The following API5 variants were observed in gnomAD, a reference collection of about 807,000 sequenced individuals.
API5 encodes the protein apoptosis inhibitor 5, also known as FIF.
API5 carries 6 observed loss-of-function variants against 71.9 expected under a neutral mutation model. The ratio of observed to expected loss-of-function variants is 0.08; its 90% CI spans 0.05 to 0.16. The LOEUF (loss-of-function observed/expected upper bound fraction) is 0.16. Ranked by LOEUF, API5 falls within the 10% of genes least tolerant of loss-of-function variation. API5 has a pLI of 1.00. For synonymous variants in API5, 189 were observed against 221.3 expected, an observed-to-expected ratio of 0.85 and a Z score of 1.30; for missense variants, 332 against 612.8, an observed-to-expected ratio of 0.54 and a Z score of 4.84.
rs1481432243 is a variant in API5 at position 43,318,620 on chromosome 11, T to A, written c.70-20T>A. Reference sequence around the variant, plus strand: ...ATCCTTCAAAATCATGTGTCTTTCCTGCTTTATTTTTTATTTCAGCATAAA... The same window carrying A: ...ATCCTTCAAAATCATGTGTCTTTCCAGCTTTATTTTTTATTTCAGCATAAA... On this transcript the variant is annotated intron_variant, in intron 1 of 13. Transcript: ENST00000531273. The A allele has an allele frequency of 6.2e-7, 1 of 1,610,104 alleles. No homozygotes were observed. Among genetic ancestry groups the A allele is most frequent in the Non-Finnish European group, 8.5e-7 (1 of 1,178,276 alleles).
intron 2 of API5, among the ~76,000 whole-genome samples, chr11:43,319,759 T>C (rs1047983523): frequency 2.0e-5 from 3 of 152,158 alleles, no homozygotes; most frequent in African/African-American, 7.2e-5. Flanking sequence ...AGATCAGTAT[T>C]TGGAATTAAA....
chr11:43,318,460 G>A (rs775981581), intron 1 of API5, 180 bp from the exon 2 acceptor site: 4 of 1,535,452 alleles, frequency 2.6e-6, no homozygotes, highest in Admixed American at 2.0e-5. Flanking sequence ...AAACAAAGAT[G>A]GAGGGAGAAC....
Position 43,312,021 on chromosome 11 carries a change from G to A in API5, c.-107G>A. 1 of 1,267,050 alleles carries A rather than the reference G, an allele frequency of 7.9e-7. No individual in the cohort carries two copies. Among genetic ancestry groups the A allele is most frequent in the Non-Finnish European group, 1.1e-6 (1 of 900,452 alleles). 78.5% of individuals were successfully genotyped at this position (1,267,050 alleles called of 1,614,324 possible). On this transcript the variant is annotated 5_prime_UTR_variant, in exon 1 of 14. Transcript: ENST00000531273. ...GTGACTGGCGGCTGCACTGGCGGCAGCTGGAGGTGTAATAGTGCGGGTAGT... is the reference window on the plus strand; with the variant it reads ...GTGACTGGCGGCTGCACTGGCGGCAACTGGAGGTGTAATAGTGCGGGTAGT...
chr11:43,317,504 T>G (rs566715369), intron 1 of API5, among the ~76,000 whole-genome samples: 101 of 152,304 alleles, frequency 6.6e-4, no homozygotes, highest in Middle Eastern at 3.4e-3. Context: ...TGTCATGGCT[T>G]TCATATACTG....
chr11:43,340,051 ACT>A (rs1855561764), intron 13 of API5, among the ~76,000 whole-genome samples: 1 of 152,150 alleles, frequency 6.6e-6, no homozygotes, highest in Middle Eastern at 3.4e-3. Flanking sequence ...AAAACTAAAG[ACT>A]CTACCAAAAA....
Position 43,327,891 on chromosome 11 carries a change from T to TC in API5, c.945+15dup, listed in dbSNP as rs1565106983. On this transcript the variant is annotated intron_variant, in intron 8 of 13. Coordinates refer to ENST00000531273, the MANE Select transcript of API5 (RefSeq NM_001142930.2). ...TGATAAGTTATTGGTAAGAACTTTT[T>TC]CCTTTCCTTATGGGATAGTCAGTAT... 6.4e-7 allele frequency: 1 copy of TC among 1,570,164 alleles called. No individual in the cohort carries two copies. Among genetic ancestry groups the TC allele is most frequent in the Middle Eastern group, 1.7e-4 (1 of 5,976 alleles).
intron 11 of API5, among the ~76,000 whole-genome samples, chr11:43,331,723 G>A (rs1024033792): frequency 6.6e-6 from 1 of 152,172 alleles, no homozygotes; most frequent in African/African-American, 2.4e-5. Flanking sequence ...AGGGTCAGCT[G>A]CAGTTTGTAT....
chr11:43,317,837 C>T (rs961556071), intron 1 of API5, among the ~76,000 whole-genome samples: 1 of 151,854 alleles, frequency 6.6e-6, no homozygotes, highest in Admixed American at 6.6e-5. Flanking sequence ...GCCACCACAC[C>T]CAGTTAATTT....
At chr11:43,335,620 A>G (rs1246259757) in intron 12 of API5, among the ~76,000 whole-genome samples, 3 of 152,326 alleles carry the variant, frequency 2.0e-5, no homozygotes, top group South Asian at 2.1e-4. Context: ...AGTCACTTGC[A>G]TGTAAGTCTG....
At chr11:43,339,811 T>TTAA (rs1281579109) in intron 13 of API5, among the ~76,000 whole-genome samples, 1 of 152,204 alleles carries the variant, frequency 6.6e-6, no homozygotes, top group Non-Finnish European at 1.5e-5. Flanking sequence ...AAGGGACATT[T>TTAA]TGTAGTCTAA....
chr11:43,342,425 T>C lies in API5; in HGVS notation c.1493-3T>C, dbSNP rs756648213. 5 of 1,593,374 alleles carry C rather than the reference T, an allele frequency of 3.1e-6. No homozygotes were observed. In the South Asian group the frequency reaches 3.4e-5, roughly 11 times the overall value. ...ACCTAAACCCTTGTTCGCTTTTTCG[T>C]AGAGCAGAGAGGAGCCTTCAGGGGA... On this transcript the variant is annotated splice_polypyrimidine_tract_variant and splice_region_variant and intron_variant, in intron 13 of 13. Transcript: ENST00000531273.
At chr11:43,339,873 A>G (rs932820349) in intron 13 of API5, among the ~76,000 whole-genome samples, 2 of 151,286 alleles carry the variant, frequency 1.3e-5, no homozygotes, top group African/African-American at 4.8e-5. Context: ...TCATAGTTAT[A>G]TGAGTTACCT....
Position 43,335,910 on chromosome 11 carries a change from T to C in API5, c.1408T>C (p.Ser470Pro), listed in dbSNP as rs769384492. 6.2e-7 allele frequency: 1 copy of C among 1,613,774 alleles called. No individual in the cohort carries two copies. Among genetic ancestry groups the C allele is most frequent in the South Asian group, 1.1e-5 (1 of 90,986 alleles). Residue 470 changes from serine to proline, a missense_variant, in exon 13 of 14, where the codon TCA becomes CCA. Transcript: ENST00000531273. ...TTCAGGTTCACCACCCAAGAAATCT[T>C]CAGCAGGACCAAAAAGAGATGCCAG... Reference protein sequence around the residue: ...TTSGSPPKKSSAGPKRDARQI... With the variant: ...TTSGSPPKKSPAGPKRDARQI...
chr11:43,341,230 C>G (rs1196166243), intron 13 of API5, among the ~76,000 whole-genome samples: 1 of 152,082 alleles, frequency 6.6e-6, no homozygotes, highest in African/African-American at 2.4e-5. Flanking sequence ...GTTGGAAGTT[C>G]AGGGAAGAGA....
rs976880130 is a variant in API5 at position 43,324,949 on chromosome 11, G to A, written c.750+1313G>A. ...CTGCCTCAGCCTCCCAAAGTGCTAG[G>A]ATTACAGGCATGAGCCACCATGCCT... On this transcript the variant is annotated intron_variant, in intron 6 of 13. Transcript: ENST00000531273. 2.0e-5 allele frequency among the ~76,000 whole-genome samples: 3 copies of A among 152,088 alleles called. No homozygotes were observed. In the East Asian group the frequency reaches 5.8e-4, roughly 29 times the overall value.
chr11:43,341,159 G>A (rs942625669), intron 13 of API5, among the ~76,000 whole-genome samples: 2 of 152,138 alleles, frequency 1.3e-5, no homozygotes, highest in Non-Finnish European at 2.9e-5. Flanking sequence ...GCCAATAAAT[G>A]TATGAAAAAA....
At chr11:43,312,997 C>T (rs1288127603) in intron 1 of API5, among the ~76,000 whole-genome samples, 1 of 151,576 alleles carries the variant, frequency 6.6e-6, no homozygotes, top group African/African-American at 2.4e-5. Flanking sequence ...ATCCTAGCTA[C>T]TCAGGAGGCT....
At chr11:43,328,669 T>C (rs1855151956) in intron 8 of API5, 43 bp from the exon 9 acceptor site, 1 of 1,517,158 alleles carries the variant, frequency 6.6e-7, no homozygotes, top group Admixed American at 1.8e-5. Context: ...ATAATTTGAA[T>C]ATGTAGAACA....
Position 43,328,704 on chromosome 11 carries a change from T to C in API5, c.946-8T>C, listed in dbSNP as rs758871233. ...AGATTGCAAAATCTGTATATTTTTC[T>C]CTCTTAGGAATACATGCCCCTCCCT... On this transcript the variant is annotated splice_polypyrimidine_tract_variant and splice_region_variant and intron_variant, in intron 8 of 13. Coordinates refer to ENST00000531273, the MANE Select transcript of API5 (RefSeq NM_001142930.2). The C allele has an allele frequency of 8.1e-6, 13 of 1,610,566 alleles. No individual in the cohort carries two copies. The highest frequency in any genetic ancestry group is 1.1e-5 in the Non-Finnish European group (13 of 1,177,976).
Sources: gnomAD v4.1 joint callset for allele counts (sites outside exome capture counted in the v4.1 genomes callset) on GRCh38, gnomAD v4.1.1 for gene constraint, MANE v1.5 for transcripts, NCBI Gene and HGNC (gene_info 2026-07-23, HGNC 2026-07-21) for gene names.